Variants in TDRD15 observed in about 807,000 individuals in gnomAD.
TDRD15 encodes tudor domain-containing protein 15.
For synonymous variants in TDRD15, 503 were observed against 314.5 expected (o/e 1.60, Z -6.34); for missense variants, 1,416 against 904.7 (o/e 1.57, Z -7.25).
At position 21,140,469 on chromosome 2, in the gene TDRD15, G is replaced by A. The variant is rs1487159574; in HGVS notation, c.3002G>A (p.Ser1001Asn). The change falls in exon 4 of 4, where the codon AGT becomes AAT. Residue 1001 changes from serine (S) to asparagine (N), a missense_variant. Coordinates refer to ENST00000405799, the MANE Select transcript of TDRD15 (RefSeq NM_001306137.2). ...ATGATAGAAACAAAAATCACAGAGA[G>A]TGTTAACCTCCAAAATTTTCCAAAA... The part of the protein sequence containing the change: ...LEMIETKITE[S>N]VNLQNFPKYD... 1 of 697,540 alleles carries A rather than the reference G, an allele frequency of 1.4e-6. No homozygotes were observed. Among genetic ancestry groups the A allele is most frequent in the African/African-American group, 1.8e-5 (1 of 55,798 alleles). 43.2% of individuals were successfully genotyped at this position (697,540 alleles called of 1,614,324 possible).
At position 21,139,524 on chromosome 2, in the gene TDRD15, C is replaced by A. The variant is rs752169879; in HGVS notation, c.2057C>A (p.Ser686Tyr). 1.4e-6 allele frequency: 1 copy of A among 700,208 alleles called. No individual in the cohort carries two copies. Among genetic ancestry groups the A allele is most frequent in the South Asian group, 1.6e-5 (1 of 63,556 alleles). The allele number at this position is 700,208 out of a possible 1,614,324, so 43.4% of individuals were successfully genotyped here. A position where few individuals can be genotyped will look rare whatever the true frequency, so the allele number is the denominator to read the frequency against. Residue 686 changes from serine to tyrosine, a missense_variant, in exon 4 of 4, where the codon TCT (serine) becomes TAT (tyrosine). Physicochemically the swap from Ser to Tyr is moderately radical, Grantham distance 144. Transcript: ENST00000405799. The stretch of plus-strand genomic sequence containing the variant: ...GAATATTCAATGCTAAATTCAGAAT[C>A]TAAAAACAAAGTTAATATTAAAAAA... ...VSEYSMLNSE[S>Y]KNKVNIKKVI... is the part of the protein sequence containing the mutation.
At chr2:21,126,730 GGTT>G (rs1313422826) in intron 1 of TDRD15, among the ~76,000 whole-genome samples, 1 of 152,130 alleles carries the variant, frequency 6.6e-6, no homozygotes, top group Non-Finnish European at 1.5e-5. Flanking sequence ...CAAACATTTG[GGTT>G]GTTTTGTTTT....
chr2:21,127,965 T>C (rs572578384), intron 2 of TDRD15, among the ~76,000 whole-genome samples: 44 of 152,288 alleles, frequency 2.9e-4, no homozygotes, highest in African/African-American at 1.1e-3. Context: ...TTGTAAGTGT[T>C]TCAACAAACA....
Position 21,139,391 on chromosome 2 carries a change from C to A in TDRD15, c.1924C>A (p.Gln642Lys). The A allele has an allele frequency of 2.8e-6, 2 of 710,880 alleles. No homozygotes were observed. The highest frequency in any genetic ancestry group is 3.0e-5 in the South Asian group (2 of 65,820). The allele number at this position is 710,880 out of a possible 1,614,324, so 44.0% of individuals were successfully genotyped here. A position where few individuals can be genotyped will look rare whatever the true frequency, so the allele number is the denominator to read the frequency against. The stretch of plus-strand genomic sequence containing the variant: ...AGATGACAAGTACACTGTAAATATT[C>A]AAAGTGTTGAAGCCTCAGAAAATAT... ...KKDDKYTVNIQSVEASENIDV... is the reference protein window; with the variant it reads ...KKDDKYTVNIKSVEASENIDV... Residue 642 changes from glutamine to lysine, a missense_variant, in exon 4 of 4, where the codon CAA becomes AAA. Physicochemically the swap from Gln to Lys is moderately conservative, Grantham distance 53. Transcript: ENST00000405799.
rs923795534 is a variant in TDRD15 at position 21,128,471 on chromosome 2, C to T, written c.-90+760C>T. On this transcript the variant is annotated intron_variant, in intron 2 of 3. Coordinates refer to ENST00000405799, the MANE Select transcript of TDRD15 (RefSeq NM_001306137.2). ...CCGAGTAGCTGGTACTACAGGCGCCCGCCACCACGCCTGGCTAATTTTTTG... is the reference window on the plus strand; with the variant it reads ...CCGAGTAGCTGGTACTACAGGCGCCTGCCACCACGCCTGGCTAATTTTTTG... Among the ~76,000 whole-genome samples, 53 of 151,752 alleles carry T rather than the reference C, an allele frequency of 3.5e-4. 1 individual carries two copies. Among genetic ancestry groups the T allele is most frequent in the African/African-American group, 1.2e-3 (48 of 41,284 alleles).
intron 1 of TDRD15, among the ~76,000 whole-genome samples, chr2:21,126,071 A>G (rs1665585363): frequency 6.6e-6 from 1 of 152,114 alleles, no homozygotes; most frequent in South Asian, 2.1e-4. Context: ...CTGAGATATA[A>G]CAAACTACAC....
chr2:21,128,641 C>A (rs917739678), intron 2 of TDRD15, among the ~76,000 whole-genome samples: 48 of 151,994 alleles, frequency 3.2e-4, no homozygotes, highest in Non-Finnish European at 5.9e-5. Context: ...TTCTGTATAG[C>A]AATTTTAGCA....
At chr2:21,133,798 A>G (rs1226421180) in intron 2 of TDRD15, among the ~76,000 whole-genome samples, 2 of 152,066 alleles carry the variant, frequency 1.3e-5, no homozygotes, top group African/African-American at 4.8e-5. Flanking sequence ...AACCACATAT[A>G]GCTATTGAGC....
At chr2:21,130,593 T>G (rs999444195) in intron 2 of TDRD15, among the ~76,000 whole-genome samples, 2 of 152,216 alleles carry the variant, frequency 1.3e-5, no homozygotes, top group African/African-American at 4.8e-5. Flanking sequence ...TCTGACTTCA[T>G]TCTTTTGCAT....
Position 21,140,843 on chromosome 2 carries a change from G to C in TDRD15, c.3376G>C (p.Asp1126His), listed in dbSNP as rs1426150233. Residue 1126 changes from aspartate (D) to histidine (H), a missense_variant, in exon 4 of 4, where the codon GAT (aspartate) becomes CAT (histidine). Coordinates refer to ENST00000405799, the MANE Select transcript of TDRD15 (RefSeq NM_001306137.2). ...SDGQLGIELY[D>H]GSQYINEKIK... ...TGGACAGCTTGGTATAGAATTGTAT[G>C]ATGGATCTCAATATATAAATGAGAA... is the stretch of plus-strand genomic sequence containing the variant. 1 of 713,966 alleles carries C rather than the reference G, an allele frequency of 1.4e-6. No homozygotes were observed. Among genetic ancestry groups the C allele is most frequent in the Admixed American group, 2.0e-5 (1 of 49,572 alleles). The allele number at this position is 713,966 out of a possible 1,614,324, so 44.2% of individuals were successfully genotyped here. A position where few individuals can be genotyped will look rare whatever the true frequency, so the allele number is the denominator to read the frequency against.
downstream of TDRD15, among the ~76,000 whole-genome samples, chr2:21,144,562 G>A (rs1040030430): frequency 1.3e-5 from 2 of 151,770 alleles, no homozygotes; most frequent in African/African-American, 4.8e-5. Context: ...AGCAGTAGTG[G>A]TTATGGTAGC....
In TDRD15 at chr2:21,139,485, C is replaced by T. The variant is rs531569043; in HGVS notation, c.2018C>T (p.Pro673Leu). ...TTTCAAGTAGAACTAGAATATTTTCCAAAATCTGTAAGTGAATATTCAATG... is the reference window on the plus strand; with the variant it reads ...TTTCAAGTAGAACTAGAATATTTTCTAAAATCTGTAAGTGAATATTCAATG... ...EYFQVELEYF[P>L]KSVSEYSMLN... Residue 673 changes from proline to leucine, a missense_variant, in exon 4 of 4, where the codon CCA (proline) becomes CTA (leucine). Physicochemically the swap from Pro to Leu is moderately conservative, Grantham distance 98 (BLOSUM62 -3). Transcript: ENST00000405799. The T allele has an allele frequency of 4.3e-4, 299 of 700,072 alleles. No homozygotes were observed. The highest frequency in any genetic ancestry group is 6.6e-4 in the Non-Finnish European group (250 of 380,146). 43.4% of individuals were successfully genotyped at this position (700,072 alleles called of 1,614,324 possible).
At chr2:21,129,983 A>C (rs926295094) in intron 2 of TDRD15, among the ~76,000 whole-genome samples, 2 of 152,158 alleles carry the variant, frequency 1.3e-5, no homozygotes, top group Admixed American at 1.3e-4. Flanking sequence ...TGAGCATGCT[A>C]GTTCAAGTCC....
rs1665834700 is a variant in TDRD15, at chr2:21,137,730, T to A, written c.263T>A (p.Leu88His). Residue 88 changes from leucine (L) to histidine (H), a missense_variant, in exon 4 of 4, where the codon CTC (leucine) becomes CAC (histidine). Transcript: ENST00000405799. The stretch of plus-strand genomic sequence containing the variant: ...AGAGTCATGGAAAAGAAAAATGAAC[T>A]CTATACAGTGCTCCTCATAGATCGC... ...RGRVMEKKNE[L>H]YTVLLIDRGE... 1 of 716,250 alleles carries A rather than the reference T, an allele frequency of 1.4e-6. No homozygotes were observed. The allele number at this position is 716,250 out of a possible 1,614,324, so 44.4% of individuals were successfully genotyped here. A position where few individuals can be genotyped will look rare whatever the true frequency, so the allele number is the denominator to read the frequency against.
In TDRD15 at chr2:21,139,525, T is replaced by C; in HGVS notation, c.2058T>C (p.Ser686=). ...AATATTCAATGCTAAATTCAGAATC[T>C]AAAAACAAAGTTAATATTAAAAAAG... The part of the protein sequence containing the change: ...VSEYSMLNSE[S]KNKVNIKKVI... Residue 686 remains serine (S), a synonymous_variant, in exon 4 of 4, where the codon TCT becomes TCC. Transcript: ENST00000405799. The C allele has an allele frequency of 4.3e-6, 3 of 700,562 alleles. No homozygotes were observed. The East Asian group carries it at 8.1e-5, about 19-fold the overall frequency. 43.4% of individuals were successfully genotyped at this position (700,562 alleles called of 1,614,324 possible).
Position 21,138,389 on chromosome 2 carries a change from G to A in TDRD15, c.922G>A (p.Gly308Arg), listed in dbSNP as rs1407111018. ...AAGGCGAAATGGACAGTGGCATAGA[G>A]GAATTCTTCAGCAGCTCTTGCCCCC... ...ARRRNGQWHR[G>R]ILQQLLPPNQ... The change falls in exon 4 of 4, where the codon GGA (glycine) becomes AGA (arginine). Residue 308 changes from glycine to arginine, a missense_variant. Coordinates refer to ENST00000405799, the MANE Select transcript of TDRD15 (RefSeq NM_001306137.2). 4.2e-6 allele frequency: 3 copies of A among 716,280 alleles called. No individual in the cohort carries two copies. In the East Asian group the frequency reaches 8.0e-5, roughly 19 times the overall value. The allele number at this position is 716,280 out of a possible 1,614,324, so 44.4% of individuals were successfully genotyped here. A position where few individuals can be genotyped will look rare whatever the true frequency, so the allele number is the denominator to read the frequency against.
intron 2 of TDRD15, among the ~76,000 whole-genome samples, chr2:21,129,410 G>A (rs77258720): frequency 0.017 from 2,554 of 152,308 alleles, 71 homozygotes; most frequent in East Asian, 0.14. Flanking sequence ...TCATCCTAGT[G>A]TGTCTGAAGT....
intron 1 of TDRD15, among the ~76,000 whole-genome samples, chr2:21,126,156 A>G (rs1314413164): frequency 1.3e-5 from 2 of 152,192 alleles, no homozygotes; most frequent in African/African-American, 2.4e-5. Flanking sequence ...TCGTAAGCAT[A>G]TCCATCACCT....
Position 21,140,316 on chromosome 2 carries a change from G to C in TDRD15, c.2849G>C (p.Ser950Thr). The C allele has an allele frequency of 1.4e-6, 1 of 713,486 alleles. No homozygotes were observed. The highest frequency in any genetic ancestry group is 2.6e-6 in the Non-Finnish European group (1 of 383,308). The allele number at this position is 713,486 out of a possible 1,614,324, so 44.2% of individuals were successfully genotyped here. A position where few individuals can be genotyped will look rare whatever the true frequency, so the allele number is the denominator to read the frequency against. ...TCAGAGACATTCCCATCTTTATTTA[G>C]TCTTTACAGTTACTGTTATTCTTCC... ...TLSETFPSLF[S>T]LYSYCYSSFN... The change falls in exon 4 of 4, where the codon AGT (serine) becomes ACT (threonine). Residue 950 changes from serine to threonine, a missense_variant. Transcript: ENST00000405799.
Sources: gnomAD v4.1 joint callset for allele counts (sites outside exome capture counted in the v4.1 genomes callset) on GRCh38, gnomAD v4.1.1 for gene constraint, MANE v1.5 for transcripts, NCBI Gene and HGNC (gene_info 2026-07-23, HGNC 2026-07-21) for gene names.